The following STIMATE variants were observed in gnomAD, a reference collection of about 807,000 sequenced individuals.
STIMATE encodes the protein STIM activating enhancer.
In STIMATE, 15 loss-of-function variants were observed where a neutral mutation model predicts 36.7. The ratio of observed to expected loss-of-function variants is 0.41; its 90% confidence interval spans 0.27 to 0.63. The LOEUF (loss-of-function observed/expected upper bound fraction) is 0.63. Among genes scored for constraint, STIMATE ranks in the 20% least tolerant of loss-of-function variants. The pLI is 0.32. For missense variants in STIMATE, 305 were observed against 397.3 expected, an observed-to-expected ratio of 0.77 and a Z score of 1.98; for synonymous variants, 163 against 162.3, an observed-to-expected ratio of 1.00 and a Z score of -0.03.
Position 52,840,629 on chromosome 3 carries a change from A to C in STIMATE, c.769-19T>G. 6.2e-7 allele frequency: 1 copy of C among 1,606,968 alleles called. No homozygotes were observed. The highest frequency in any genetic ancestry group is 8.5e-7 in the Non-Finnish European group (1 of 1,176,052). ...TCAGGATCTGAGGCAGTAGAGAGGC[A>C]GGGCCTGAGTCACCCCCAGCAGGGC... On this transcript the variant is annotated intron_variant, in intron 7 of 7. Transcript: ENST00000355083.
rs949569208 is a variant in STIMATE at position 52,840,145 on chromosome 3, C to T, written c.*349G>A. On this transcript the variant is annotated 3_prime_UTR_variant, in exon 8 of 8. Coordinates refer to ENST00000355083, the MANE Select transcript of STIMATE (RefSeq NM_198563.5). ...ACCCACGGTCTGTGTGCCTGTGCTT[C>T]CTTCCACCTTGCCACTCGGTGGTCG... 6.4e-6 allele frequency: 1 copy of T among 155,180 alleles called. No individual in the cohort carries two copies. The highest frequency in any genetic ancestry group is 2.4e-5 in the African/African-American group (1 of 41,540). 9.6% of individuals were successfully genotyped at this position (155,180 alleles called of 1,614,324 possible). A position where few individuals can be genotyped will look rare whatever the true frequency, so the allele number is the denominator to read the frequency against.
intron 1 of STIMATE, among the ~76,000 whole-genome samples, chr3:52,864,067 T>C (rs549088742): frequency 5.9e-5 from 9 of 152,334 alleles, no homozygotes; most frequent in Admixed American, 4.6e-4. Context: ...TAGAGGACAG[T>C]GGCCCTCTTC....
At chr3:52,859,750 C>G (rs543796063) in intron 1 of STIMATE, among the ~76,000 whole-genome samples, 4 of 151,522 alleles carry the variant, frequency 2.6e-5, no homozygotes, top group African/African-American at 9.7e-5. Context: ...TCAAGGAATT[C>G]ACATTGCTTT....
At chr3:52,869,650 TAC>T (rs1701369911) in intron 1 of STIMATE, among the ~76,000 whole-genome samples, 1 of 152,224 alleles carries the variant, frequency 6.6e-6, no homozygotes, top group East Asian at 1.9e-4. Context: ...TAAGGAGGGA[TAC>T]AGAGACCTTA....
At chr3:52,878,491 G>A (rs1701539382) in intron 1 of STIMATE, among the ~76,000 whole-genome samples, 1 of 152,128 alleles carries the variant, frequency 6.6e-6, no homozygotes, top group African/African-American at 2.4e-5. Flanking sequence ...TGTGGTCCCG[G>A]CTGTACCACC....
chr3:52,875,312 TTAG>T (rs766029843), intron 1 of STIMATE, among the ~76,000 whole-genome samples: 29 of 152,222 alleles, frequency 1.9e-4, no homozygotes, highest in Non-Finnish European at 3.4e-4. Flanking sequence ...AGTCAAATTC[TTAG>T]AAGAAGGCAT....
intron 1 of STIMATE, 109 bp from the exon 2 acceptor site, chr3:52,855,553 T>TAC: frequency 6.8e-7 from 1 of 1,461,718 alleles, no homozygotes; most frequent in Non-Finnish European, 9.5e-7. Context: ...ACCAAGGTAA[T>TAC]ACACACACTC....
chr3:52,890,596 T>C (rs1037273754), intron 1 of STIMATE, among the ~76,000 whole-genome samples: 1 of 152,216 alleles, frequency 6.6e-6, no homozygotes, highest in African/African-American at 2.4e-5. Context: ...GTACCAACAG[T>C]GCCAGGCTGA....
At chr3:52,858,111 G>C (rs1361742893) in intron 1 of STIMATE, among the ~76,000 whole-genome samples, 1 of 152,146 alleles carries the variant, frequency 6.6e-6, no homozygotes, top group Non-Finnish European at 1.5e-5. Context: ...CCAGCTTCCA[G>C]AAACTGTGAG....
At chr3:52,845,459 CTCAGCCTCTT>C (rs929753336) in intron 4 of STIMATE, among the ~76,000 whole-genome samples, 2 of 152,232 alleles carry the variant, frequency 1.3e-5, no homozygotes, top group African/African-American at 4.8e-5. Context: ...TCCCTGATAC[CTCAGCCTCTT>C]GAGAGCAGAA....
chr3:52,868,933 G>A (rs542786782), intron 1 of STIMATE, among the ~76,000 whole-genome samples: 1 of 152,180 alleles, frequency 6.6e-6, no homozygotes, highest in Non-Finnish European at 1.5e-5. Context: ...CCTCAGGAAC[G>A]TTATATCATT....
intron 1 of STIMATE, among the ~76,000 whole-genome samples, chr3:52,868,684 G>A (rs1189025643): frequency 6.6e-6 from 1 of 152,116 alleles, no homozygotes; most frequent in Non-Finnish European, 1.5e-5. Context: ...GTGCAGTGGC[G>A]AGATCTCAGC....
At chr3:52,851,590 C>A (rs1410012989) in intron 3 of STIMATE, among the ~76,000 whole-genome samples, 1 of 152,224 alleles carries the variant, frequency 6.6e-6, no homozygotes, top group African/African-American at 2.4e-5. Context: ...ACTCTTAGAC[C>A]AGAGATGGCA....
chr3:52,891,849 G>C (rs545336624), intron 1 of STIMATE, among the ~76,000 whole-genome samples: 1 of 152,270 alleles, frequency 6.6e-6, no homozygotes, highest in African/African-American at 2.4e-5. Flanking sequence ...CAAGGATGAA[G>C]ACACACCCCC....
intron 1 of STIMATE, among the ~76,000 whole-genome samples, chr3:52,873,591 C>T (rs1342948465): frequency 5.9e-5 from 9 of 152,142 alleles, no homozygotes; most frequent in African/African-American, 1.7e-4. Context: ...GGGAACCAGA[C>T]ACTAGAGGCA....
At chr3:52,855,728 A>G (rs1376840081) in intron 1 of STIMATE, among the ~76,000 whole-genome samples, 3 of 152,226 alleles carry the variant, frequency 2.0e-5, no homozygotes, top group African/African-American at 7.2e-5. Context: ...GCTCACTCAG[A>G]TAAGGATTGG....
intron 1 of STIMATE, among the ~76,000 whole-genome samples, chr3:52,872,050 T>C (rs1223469380): frequency 2.6e-5 from 4 of 152,174 alleles, no homozygotes; most frequent in Non-Finnish European, 4.4e-5. Context: ...TGGCTTCTTT[T>C]TGTTCCTGTC....
intron 1 of STIMATE, among the ~76,000 whole-genome samples, chr3:52,858,412 C>T (rs1355093615): frequency 6.6e-6 from 1 of 151,892 alleles, no homozygotes. Context: ...TGCTTGAGCC[C>T]AGGAGTTTGA....
At chr3:52,881,713 A>G (rs1473831017) in intron 1 of STIMATE, among the ~76,000 whole-genome samples, 1 of 152,212 alleles carries the variant, frequency 6.6e-6, no homozygotes. Context: ...AAATAAATAA[A>G]TAAGAAAGAA....
Sources: allele counts gnomAD v4.1 joint callset (sites outside exome capture counted in the v4.1 genomes callset), GRCh38; gene constraint gnomAD v4.1.1; transcripts MANE v1.5; gene names NCBI Gene and HGNC (gene_info 2026-07-23, HGNC 2026-07-21).